The following ARIH1 variants were observed in gnomAD, a reference collection of about 807,000 sequenced individuals.
ARIH1 encodes the protein ariadne RBR E3 ubiquitin protein ligase 1.
A neutral mutation model predicts 85.0 loss-of-function variants in ARIH1; 8 were observed. The observed-to-expected ratio is 0.09, with a 90% CI of 0.06 to 0.17. The LOEUF is 0.17. Among genes scored for constraint, ARIH1 ranks in the 10% least tolerant of loss-of-function variants. The pLI, the probability that ARIH1 is intolerant of heterozygous loss-of-function variation, is 1.00. For missense variants in ARIH1, 311 were observed against 718.1 expected, an observed-to-expected ratio of 0.43 and a Z score of 6.48; for synonymous variants, 238 against 253.6, an observed-to-expected ratio of 0.94 and a Z score of 0.59.
At position 72,486,914 on chromosome 15, in the gene ARIH1, C is replaced by T. The variant is rs550737281; in HGVS notation, c.375+11900C>T. Among the ~76,000 whole-genome samples the T allele has an allele frequency of 2.0e-3, 309 of 151,724 alleles. 2 individuals are homozygous for T. Among genetic ancestry groups the T allele is most frequent in the Non-Finnish European group, 3.5e-3 (237 of 67,922 alleles). On this transcript the variant is annotated intron_variant, in intron 1 of 13. Coordinates refer to ENST00000379887, the MANE Select transcript of ARIH1 (RefSeq NM_005744.5). ...TTCACCATGTTGGCCAGGCTGGTCT[C>T]GAACTCCTGTCTTCAGGTGATCCGC...
At chr15:72,546,673 G>T (rs555251793) in intron 3 of ARIH1, among the ~76,000 whole-genome samples, 117 of 151,728 alleles carry the variant, frequency 7.7e-4, no homozygotes, top group Admixed American at 1.1e-3. Flanking sequence ...GTGTGTGTGT[G>T]TTTTGTTTGT....
At chr15:72,483,409 G>A (rs545941623) in intron 1 of ARIH1, among the ~76,000 whole-genome samples, 2 of 152,260 alleles carry the variant, frequency 1.3e-5, no homozygotes, top group South Asian at 2.1e-4. Flanking sequence ...AAGTAACGTC[G>A]CATCACTTTG....
intron 3 of ARIH1, among the ~76,000 whole-genome samples, chr15:72,551,227 G>A (rs906234315): frequency 6.6e-6 from 1 of 152,202 alleles, no homozygotes; most frequent in Non-Finnish European, 1.5e-5. Context: ...AGATTGCTAT[G>A]AAGAAAACTT....
intron 1 of ARIH1, among the ~76,000 whole-genome samples, chr15:72,491,302 C>A (rs998154224): frequency 6.8e-6 from 1 of 147,416 alleles, no homozygotes; most frequent in Non-Finnish European, 1.5e-5. Flanking sequence ...TCAAATGCTT[C>A]CCCCCACCCC....
At chr15:72,550,945 T>A (rs2064150500) in intron 3 of ARIH1, among the ~76,000 whole-genome samples, 1 of 152,174 alleles carries the variant, frequency 6.6e-6, no homozygotes, top group Non-Finnish European at 1.5e-5. Flanking sequence ...GTGCTCGGAT[T>A]ACAGGCACGA....
At chr15:72,528,072 A>G (rs2064038230) in intron 2 of ARIH1, among the ~76,000 whole-genome samples, 1 of 152,138 alleles carries the variant, frequency 6.6e-6, no homozygotes, top group Admixed American at 6.5e-5. Flanking sequence ...GTTGATAACA[A>G]GTAAAAAAAA....
At chr15:72,514,756 A>G (rs2063967012) in intron 1 of ARIH1, among the ~76,000 whole-genome samples, 1 of 152,062 alleles carries the variant, frequency 6.6e-6, no homozygotes, top group Non-Finnish European at 1.5e-5. Flanking sequence ...CTGTAATCCC[A>G]GCACTTTGGG....
intron 1 of ARIH1, among the ~76,000 whole-genome samples, chr15:72,493,565 T>G (rs2063867979): frequency 6.6e-6 from 1 of 152,206 alleles, no homozygotes; most frequent in South Asian, 2.1e-4. Context: ...TTAATAGTTT[T>G]GGGTTCTGTA....
At position 72,587,185 on chromosome 15, in the gene ARIH1, A is replaced by G. The variant is rs1182988683; in HGVS notation, c.*3893A>G. 2 of 505,972 alleles carry G rather than the reference A, an allele frequency of 4.0e-6. No homozygotes were observed. The highest frequency in any genetic ancestry group is 2.1e-5 in the Admixed American group (1 of 48,608). 31.3% of individuals were successfully genotyped at this position (505,972 alleles called of 1,614,324 possible). A position where few individuals can be genotyped will look rare whatever the true frequency, so the allele number is the denominator to read the frequency against. ...AGATAAGGCTCACTGAGGTTAAATA[A>G]CTCCCTCAATTTTTCATTTCCTTCT... On this transcript the variant is annotated 3_prime_UTR_variant, in exon 14 of 14. Coordinates refer to ENST00000379887, the MANE Select transcript of ARIH1 (RefSeq NM_005744.5).
In ARIH1 at chr15:72,594,385, G is replaced by A. The variant is rs2064354653; in HGVS notation, c.*11093G>A. On this transcript the variant is annotated 3_prime_UTR_variant, in exon 14 of 14. Transcript: ENST00000379887. The stretch of plus-strand genomic sequence containing the variant: ...GGGTTTCACCATGTTGGTCAGCCTG[G>A]TCTCGAGCTCCTGACCTCGTGATCC... 6.6e-6 allele frequency: 1 copy of A among 152,048 alleles called. No homozygotes were observed. Among genetic ancestry groups the A allele is most frequent in the African/African-American group, 2.4e-5 (1 of 41,400 alleles). 9.4% of individuals were successfully genotyped at this position (152,048 alleles called of 1,614,324 possible). A position where few individuals can be genotyped will look rare whatever the true frequency, so the allele number is the denominator to read the frequency against.
chr15:72,496,074 T>A (rs1227548406), intron 1 of ARIH1, among the ~76,000 whole-genome samples: 1 of 152,024 alleles, frequency 6.6e-6, no homozygotes, highest in East Asian at 1.9e-4. Flanking sequence ...CCACACCTAA[T>A]TAAAAAAAAT....
chr15:72,554,789 C>T (rs2064167985), intron 3 of ARIH1, among the ~76,000 whole-genome samples: 1 of 151,370 alleles, frequency 6.6e-6, no homozygotes, highest in Non-Finnish European at 1.5e-5. Context: ...GGTCTCACTC[C>T]TTTGCCCAGG....
chr15:72,576,505 C>CAAAAAAAAAAA (rs35725065), intron 11 of ARIH1, among the ~76,000 whole-genome samples: 1 of 63,276 alleles, frequency 1.6e-5, no homozygotes, highest in African/African-American at 7.7e-5. Flanking sequence ...GACTCTGTCT[C>CAAAAAAAAAAA]AAAAAAAAAA....
chr15:72,488,192 C>T (rs1329225632), intron 1 of ARIH1, among the ~76,000 whole-genome samples: 1 of 152,008 alleles, frequency 6.6e-6, no homozygotes, highest in Non-Finnish European at 1.5e-5. Flanking sequence ...CATGCCACTA[C>T]ACCTGGCTAA....
At chr15:72,507,401 A>G (rs927221358) in intron 1 of ARIH1, among the ~76,000 whole-genome samples, 8 of 152,188 alleles carry the variant, frequency 5.3e-5, no homozygotes, top group Non-Finnish European at 1.5e-5. Context: ...CATCCAGATT[A>G]TGATTCTCCA....
chr15:72,500,646 A>G (rs1251567088), intron 1 of ARIH1, among the ~76,000 whole-genome samples: 4 of 152,244 alleles, frequency 2.6e-5, no homozygotes, highest in Non-Finnish European at 1.5e-5. Flanking sequence ...TATGGAAGAA[A>G]GATTGAGAGG....
chr15:72,517,845 A>G (rs987721849), intron 1 of ARIH1, among the ~76,000 whole-genome samples: 1 of 151,962 alleles, frequency 6.6e-6, no homozygotes, highest in Admixed American at 6.6e-5. Context: ...TTTTTGGCTT[A>G]TTTTTAATCC....
rs1454998892 is a variant in ARIH1, at chr15:72,592,386, T to G, written c.*9094T>G. 2 of 152,216 alleles carry G rather than the reference T, an allele frequency of 1.3e-5. No individual in the cohort carries two copies. The highest frequency in any genetic ancestry group is 2.9e-5 in the Non-Finnish European group (2 of 68,034). 9.4% of individuals were successfully genotyped at this position (152,216 alleles called of 1,614,324 possible). ...GTAAAGAGTGGGAGACAAACACTCC[T>G]GGAATAGGAAGCCACTACTCACCTT... On this transcript the variant is annotated 3_prime_UTR_variant, in exon 14 of 14. Transcript: ENST00000379887.
chr15:72,591,241 A>AG lies in ARIH1; in HGVS notation c.*7949_*7950insG, dbSNP rs1247917414. The AG allele has an allele frequency of 8.0e-5, 12 of 149,070 alleles. No individual in the cohort carries two copies. Among genetic ancestry groups the AG allele is most frequent in the South Asian group, 2.2e-4 (1 of 4,630 alleles). 9.2% of individuals were successfully genotyped at this position (149,070 alleles called of 1,614,324 possible). A position where few individuals can be genotyped will look rare whatever the true frequency, so the allele number is the denominator to read the frequency against. ...TCTCAAAAAAAAAAAAAAAAAAAAA[A>AG]AAGAAGAAGAAGAAGAAATACAAAA... On this transcript the variant is annotated 3_prime_UTR_variant, in exon 14 of 14. Coordinates refer to ENST00000379887, the MANE Select transcript of ARIH1 (RefSeq NM_005744.5).
Sources: allele counts gnomAD v4.1 joint callset (sites outside exome capture counted in the v4.1 genomes callset), GRCh38; gene constraint gnomAD v4.1.1; transcripts MANE v1.5; gene names NCBI Gene and HGNC (gene_info 2026-07-23, HGNC 2026-07-21).